Variants in MED12L observed in about 807,000 individuals in gnomAD.
MED12L encodes the protein mediator complex subunit 12L.
Under a neutral mutation model 281.3 loss-of-function variants are expected in MED12L, and 60 were observed. The ratio of observed to expected loss-of-function variants is 0.21; its 90% CI spans 0.17 to 0.26. The LOEUF (loss-of-function observed/expected upper bound fraction) is 0.26, where lower values mean the gene tolerates loss of function less well. Among genes scored for constraint, MED12L ranks in the 10% least tolerant of loss-of-function variants. The pLI is 1.00. For missense variants in MED12L, 2,146 were observed against 2,680.9 expected, an observed-to-expected ratio of 0.80 and a Z score of 4.41; for synonymous variants, 974 against 987.2, an observed-to-expected ratio of 0.99 and a Z score of 0.25.
At chr3:151,290,833 A>G (rs1328516168) in intron 16 of MED12L, among the ~76,000 whole-genome samples, 1 of 152,248 alleles carries the variant, frequency 6.6e-6, no homozygotes, top group Admixed American at 6.5e-5. Context: ...AAATAGGACA[A>G]AAATTGAATT....
At chr3:151,160,766 G>A (rs966435450) in intron 8 of MED12L, among the ~76,000 whole-genome samples, 3 of 152,230 alleles carry the variant, frequency 2.0e-5, no homozygotes, top group African/African-American at 7.2e-5. Flanking sequence ...TAAATGGACA[G>A]TTTCCAAATA....
chr3:151,214,295 G>C, intron 16 of MED12L: 1 of 1,613,488 alleles, frequency 6.2e-7, no homozygotes, highest in Non-Finnish European at 8.5e-7. Context: ...TCTGGAGGCT[G>C]TGTGGAGGTT....
At chr3:151,109,080 T>C (rs1034775726) in intron 2 of MED12L, among the ~76,000 whole-genome samples, 17 of 150,720 alleles carry the variant, frequency 1.1e-4, no homozygotes, top group Non-Finnish European at 8.9e-5. Context: ...TTTTTTGAGA[T>C]GGAGTCTCGC....
intron 43 of MED12L, among the ~76,000 whole-genome samples, chr3:151,426,146 G>T (rs1200475557): frequency 6.6e-6 from 1 of 152,206 alleles, no homozygotes; most frequent in African/African-American, 2.4e-5. Context: ...TCCCACCACA[G>T]TGATGATTCC....
At chr3:151,355,301 TC>T in intron 18 of MED12L, 62 bp downstream of exon 18, 1 of 1,111,000 alleles carries the variant, frequency 9.0e-7, no homozygotes. Flanking sequence ...AAAATTTTTT[TC>T]ATGCAGTATA....
chr3:151,382,545 G>C (rs549978009), intron 32 of MED12L, 111 bp from the exon 33 acceptor site: 1 of 586,810 alleles, frequency 1.7e-6, no homozygotes, highest in Admixed American at 3.9e-5. Context: ...AGCTTTGTTT[G>C]TTAATTTGTT....
chr3:151,248,258 T>A (rs911685875), intron 16 of MED12L, among the ~76,000 whole-genome samples: 1 of 152,130 alleles, frequency 6.6e-6, no homozygotes, highest in African/African-American at 2.4e-5. Flanking sequence ...ATGAGACCTA[T>A]TTAATTCCTA....
intron 16 of MED12L, among the ~76,000 whole-genome samples, chr3:151,289,817 G>A (rs1027269784): frequency 2.0e-5 from 3 of 151,980 alleles, no homozygotes; most frequent in African/African-American, 7.3e-5. Context: ...CAGATGTATG[G>A]TTCAATTCTA....
At chr3:151,195,125 T>C (rs13095924) in intron 16 of MED12L, among the ~76,000 whole-genome samples, 121 of 152,312 alleles carry the variant, frequency 7.9e-4, no homozygotes, top group Admixed American at 1.8e-3. Flanking sequence ...ATCACACCAC[T>C]GCACTCCAGC....
At chr3:151,198,618 A>G (rs748604949) in intron 16 of MED12L, 1 of 1,614,032 alleles carries the variant, frequency 6.2e-7, no homozygotes, top group South Asian at 1.1e-5. Context: ...CTGGTTGAGC[A>G]ATCAGTTATG....
At chr3:151,425,840 C>A (rs1261353177) in intron 43 of MED12L, 1 of 430,046 alleles carries the variant, frequency 2.3e-6, no homozygotes, top group Non-Finnish European at 4.8e-6. Flanking sequence ...TCTTTAAATG[C>A]GTGAGGGAAT....
In MED12L at chr3:151,416,329, G is replaced by GCCT. The variant is rs1560142564; in HGVS notation, c.6317_6318insTCC (p.Pro2106dup). 6.2e-7 allele frequency: 1 copy of GCCT among 1,610,370 alleles called. No homozygotes were observed. Among genetic ancestry groups the GCCT allele is most frequent in the East Asian group, 2.2e-5 (1 of 44,748 alleles). ...CTTTCCAGATGCAGCAGCCCCAGCA[G>GCCT]CCCCAGCCCCAGCAGCCTCCCCAGC... On this transcript the variant is annotated inframe_insertion, in exon 43 of 45. Coordinates refer to ENST00000687756, the MANE Select transcript of MED12L (RefSeq NM_001393769.1).
Position 151,091,564 on chromosome 3 carries a change from T to C in MED12L, c.99+4539T>C, listed in dbSNP as rs558195038. 1.3e-4 allele frequency among the ~76,000 whole-genome samples: 20 copies of C among 152,344 alleles called. No homozygotes were observed. The South Asian group carries it at 3.7e-3, about 28-fold the overall frequency. ...CAGGGCTGGATTAGACTTCTATGTA[T>C]GGCTGAAGTTGCAGTAGTTTGGTTT... On this transcript the variant is annotated intron_variant, in intron 2 of 44. Transcript: ENST00000687756.
intron 16 of MED12L, chr3:151,199,352 T>C: frequency 2.5e-6 from 4 of 1,613,004 alleles, no homozygotes; most frequent in Non-Finnish European, 3.4e-6. Context: ...CTCCAGATCT[T>C]TATAAACTGG....
At chr3:151,269,396 A>ACACACAC (rs1559962640) in intron 16 of MED12L, 4 of 62,088 alleles carry the variant, frequency 6.4e-5, no homozygotes, top group African/African-American at 3.3e-4. Flanking sequence ...GTGAAACTCC[A>ACACACAC]TCACACACAC....
chr3:151,102,344 A>G (rs531913376), intron 2 of MED12L, among the ~76,000 whole-genome samples: 2 of 152,276 alleles, frequency 1.3e-5, no homozygotes, highest in African/African-American at 2.4e-5. Flanking sequence ...GAGAAGTGCT[A>G]ACAGAGGTTA....
intron 11 of MED12L, among the ~76,000 whole-genome samples, chr3:151,167,587 T>C (rs188393996): frequency 7.2e-5 from 11 of 152,340 alleles, no homozygotes; most frequent in Admixed American, 2.0e-4. Flanking sequence ...CTCAAAGATA[T>C]GGTTCAAGAC....
chr3:151,364,880 C>A, intron 21 of MED12L, 99 bp from the exon 22 acceptor site: 1 of 799,590 alleles, frequency 1.3e-6, no homozygotes, highest in Non-Finnish European at 2.1e-6. Context: ...TCTAGGAATG[C>A]ATTACAGTTC....
At chr3:151,201,801 A>C (rs1310643668) in intron 16 of MED12L, among the ~76,000 whole-genome samples, 1 of 152,232 alleles carries the variant, frequency 6.6e-6, no homozygotes, top group Non-Finnish European at 1.5e-5. Context: ...GCATTGATAT[A>C]GTGTCACATC....
Sources: gnomAD v4.1 joint callset for allele counts (sites outside exome capture counted in the v4.1 genomes callset) on GRCh38, gnomAD v4.1.1 for gene constraint, MANE v1.5 for transcripts, NCBI Gene and HGNC (gene_info 2026-07-23, HGNC 2026-07-21) for gene names.